DEPDC5: variants seen among roughly 807,000 people sequenced by gnomAD.
DEPDC5 encodes DEP domain containing 5, GATOR1 subcomplex subunit, also known as GATOR1 complex protein DEPDC5.
Under a neutral mutation model 217.3 loss-of-function variants are expected in DEPDC5, and 73 were observed. That is an observed-to-expected ratio of 0.34 (90% confidence interval 0.28 to 0.41). DEPDC5 has a LOEUF of 0.41. Ranked by LOEUF, DEPDC5 falls within the 10% of genes least tolerant of loss-of-function variation. The pLI, the probability that DEPDC5 is intolerant of heterozygous loss-of-function variation, is 1.00. For synonymous variants in DEPDC5, 733 were observed against 756.7 expected (o/e 0.97, Z 0.51); for missense variants, 1,675 against 2,070.1 (o/e 0.81, Z 3.70).
At chr22:31,874,213 C>A in intron 35 of DEPDC5, 60 bp from the exon 36 acceptor site, 2 of 1,563,086 alleles carry the variant, frequency 1.3e-6, no homozygotes. Flanking sequence ...ATCTTTCCTT[C>A]CACTTGTTGC....
chr22:31,765,887 G>A (rs1419152826), intron 5 of DEPDC5, among the ~76,000 whole-genome samples: 5 of 152,146 alleles, frequency 3.3e-5, no homozygotes, highest in African/African-American at 1.2e-4. Flanking sequence ...GCTGGGTGTG[G>A]TGGCGCACCC....
intron 38 of DEPDC5, among the ~76,000 whole-genome samples, chr22:31,882,990 T>C (rs1373051965): frequency 6.6e-6 from 1 of 152,122 alleles, no homozygotes; most frequent in Non-Finnish European, 1.5e-5. Context: ...CTCCAGTAGA[T>C]CATACAAAAC....
chr22:31,781,404 A>G (rs1601783880), intron 8 of DEPDC5, among the ~76,000 whole-genome samples: 1 of 151,872 alleles, frequency 6.6e-6, no homozygotes, highest in East Asian at 1.9e-4. Context: ...CACCACACCA[A>G]TCAGAAAAAC....
chr22:31,903,615 C>T (rs1246330433), intron 41 of DEPDC5, among the ~76,000 whole-genome samples: 2 of 3,174 alleles, frequency 6.3e-4, no homozygotes, highest in Non-Finnish European at 1.5e-3. Context: ...AACTCCCTCA[C>T]CTTCCACACC....
In DEPDC5 at chr22:31,765,075, T is replaced by A. The variant is rs771994582; in HGVS notation, c.279+15T>A. 2 of 1,598,240 alleles carry A rather than the reference T, an allele frequency of 1.3e-6. No individual in the cohort carries two copies. The highest frequency in any genetic ancestry group is 1.7e-6 in the Non-Finnish European group (2 of 1,166,074). On this transcript the variant is annotated intron_variant, in intron 5 of 42. Transcript: ENST00000651528. ...TAGACCCTAAGGTATGTCTTTGTTT[T>A]GTACTTGAATATCTTTTTGGAATAA...
At chr22:31,883,532 A>G (rs1360830743) in intron 38 of DEPDC5, among the ~76,000 whole-genome samples, 2 of 152,144 alleles carry the variant, frequency 1.3e-5, no homozygotes, top group African/African-American at 4.8e-5. Context: ...TGATTTGTAG[A>G]AAATTGATGT....
At chr22:31,886,237 T>C (rs1283104147) in intron 38 of DEPDC5, among the ~76,000 whole-genome samples, 5 of 152,122 alleles carry the variant, frequency 3.3e-5, no homozygotes, top group African/African-American at 9.7e-5. Context: ...TTGCCCAGGC[T>C]GGTCATGAAC....
At chr22:31,765,748 G>C (rs1158550315) in intron 5 of DEPDC5, among the ~76,000 whole-genome samples, 1 of 151,936 alleles carries the variant, frequency 6.6e-6, no homozygotes, top group Non-Finnish European at 1.5e-5. Context: ...GTAGACCATG[G>C]GTGGTGGCCC....
chr22:31,765,629 A>T (rs574196217), intron 5 of DEPDC5, among the ~76,000 whole-genome samples: 64 of 152,124 alleles, frequency 4.2e-4, no homozygotes, highest in Admixed American at 1.6e-3. Context: ...TGTGTTGTAT[A>T]TGCCTGTAGT....
intron 35 of DEPDC5, 22 bp downstream of exon 35, chr22:31,873,354 A>G: frequency 6.2e-7 from 1 of 1,606,314 alleles, no homozygotes; most frequent in Non-Finnish European, 8.5e-7. Flanking sequence ...ACCACAGTGT[A>G]GGGTTGGAAG....
At chr22:31,825,052 T>C (rs554344827) in intron 24 of DEPDC5, among the ~76,000 whole-genome samples, 17 of 152,144 alleles carry the variant, frequency 1.1e-4, no homozygotes, top group African/African-American at 4.1e-4. Context: ...GAGCCATTTT[T>C]AGGAACCCAG....
At chr22:31,764,122 CG>C (rs1286886795) in intron 4 of DEPDC5, among the ~76,000 whole-genome samples, 1 of 151,536 alleles carries the variant, frequency 6.6e-6, no homozygotes, top group Non-Finnish European at 1.5e-5. Context: ...TTAGTAGAGG[CG>C]GGGTTTCACC....
intron 38 of DEPDC5, among the ~76,000 whole-genome samples, chr22:31,886,755 CAAAAAAAAAA>C (rs1224610835): frequency 3.8e-5 from 2 of 52,122 alleles, no homozygotes; most frequent in Admixed American, 2.4e-4. Context: ...GTCTCCATCT[CAAAAAAAAAA>C]AAAAAAAAAA....
chr22:31,761,209 C>T (rs61323004), intron 4 of DEPDC5, among the ~76,000 whole-genome samples: 1,803 of 152,202 alleles, frequency 0.012, 40 homozygotes, highest in African/African-American at 0.04. Context: ...TCTCAATCTC[C>T]TGACTTCATG....
intron 31 of DEPDC5, among the ~76,000 whole-genome samples, chr22:31,853,840 C>G (rs1353923485): frequency 6.6e-6 from 1 of 152,166 alleles, no homozygotes; most frequent in Non-Finnish European, 1.5e-5. Flanking sequence ...CCCACCAAAG[C>G]AGATGGACAT....
chr22:31,772,080 A>T (rs768625407), intron 7 of DEPDC5, among the ~76,000 whole-genome samples: 4 of 152,014 alleles, frequency 2.6e-5, no homozygotes, highest in Non-Finnish European at 5.9e-5. Context: ...TAACAATAAA[A>T]AAAAGAACGG....
chr22:31,842,346 C>T (rs1018680982), intron 27 of DEPDC5, among the ~76,000 whole-genome samples: 4 of 152,126 alleles, frequency 2.6e-5, no homozygotes, highest in East Asian at 1.9e-4. Context: ...GAGGCCGAGG[C>T]GAGTGGATCA....
At chr22:31,816,903 C>A in intron 21 of DEPDC5, 1 of 153,814 alleles carries the variant, frequency 6.5e-6, no homozygotes, top group South Asian at 2.0e-4. Context: ...TGGACATGCT[C>A]AATGACCAGA....
intron 12 of DEPDC5, among the ~76,000 whole-genome samples, chr22:31,796,752 A>G (rs927119489): frequency 6.6e-6 from 1 of 151,664 alleles, no homozygotes; most frequent in African/African-American, 2.4e-5. Context: ...GCTGGAGTGC[A>G]GTGGCTCGAT....
Sources: gnomAD v4.1 joint callset for allele counts (sites outside exome capture counted in the v4.1 genomes callset) on GRCh38, gnomAD v4.1.1 for gene constraint, MANE v1.5 for transcripts, NCBI Gene and HGNC (gene_info 2026-07-23, HGNC 2026-07-21) for gene names.